The following SLCO1B1 variants were observed in gnomAD, a reference collection of about 807,000 sequenced individuals.
SLCO1B1 encodes OATP-2.
A neutral mutation model predicts 70.1 loss-of-function variants in SLCO1B1; 81 were observed. That is an observed-to-expected ratio of 1.16 (90% CI 0.97 to 1.39). The LOEUF is 1.39. SLCO1B1 is among the 40% of genes most tolerant of loss of function. The pLI, the probability that SLCO1B1 is intolerant of heterozygous loss-of-function variation, is 0.00. For missense variants in SLCO1B1, 895 were observed against 799.6 expected (o/e 1.12, Z -1.44); for synonymous variants, 283 against 271.5 (o/e 1.04, Z -0.42).
In SLCO1B1 at chr12:21,134,526, A is replaced by G. The variant is rs905951551; in HGVS notation, c.-62+3290A>G. Among the ~76,000 whole-genome samples, 14 of 152,228 alleles carry G rather than the reference A, an allele frequency of 9.2e-5. 1 individual carries two copies. Among genetic ancestry groups the G allele is most frequent in the Admixed American group, 8.5e-4 (13 of 15,290 alleles). On this transcript the variant is annotated intron_variant, in intron 1 of 14. Coordinates refer to ENST00000256958, the MANE Select transcript of SLCO1B1 (RefSeq NM_006446.5). ...CAATTTCAGAGCCTGTTATTGGTCT[A>G]TTCAGAGATGCAACTTCTTCCTGGT... is the stretch of plus-strand genomic sequence containing the variant.
intron 2 of SLCO1B1, among the ~76,000 whole-genome samples, chr12:21,164,434 C>A (rs1279739288): frequency 6.6e-6 from 1 of 152,100 alleles, no homozygotes; most frequent in African/African-American, 2.4e-5. Flanking sequence ...TTAAACTTCT[C>A]CTTGTGTGTC....
At chr12:21,181,834 A>G (rs192736592) in intron 7 of SLCO1B1, among the ~76,000 whole-genome samples, 1 of 152,304 alleles carries the variant, frequency 6.6e-6, no homozygotes, top group Non-Finnish European at 1.5e-5. Flanking sequence ...GAAAATTTAT[A>G]GATGAATTGC....
At chr12:21,144,951 CAAAAAT>C (rs1326509979) in intron 2 of SLCO1B1, among the ~76,000 whole-genome samples, 1 of 152,108 alleles carries the variant, frequency 6.6e-6, no homozygotes. Context: ...CCTGTCACCA[CAAAAAT>C]AGACTTAACT....
At chr12:21,149,326 C>T (rs925346379) in intron 2 of SLCO1B1, among the ~76,000 whole-genome samples, 2 of 152,132 alleles carry the variant, frequency 1.3e-5, no homozygotes, top group African/African-American at 4.8e-5. Flanking sequence ...ATGCTTCCAG[C>T]TTTCACCCAT....
intron 7 of SLCO1B1, among the ~76,000 whole-genome samples, chr12:21,195,756 T>C (rs936632975): frequency 4.6e-5 from 7 of 152,190 alleles, no homozygotes; most frequent in Non-Finnish European, 7.3e-5. Flanking sequence ...AATGCTTACA[T>C]ACTAGTTCAA....
chr12:21,186,570 G>A (rs1019626326), intron 7 of SLCO1B1, among the ~76,000 whole-genome samples: 2 of 151,892 alleles, frequency 1.3e-5, no homozygotes, highest in African/African-American at 4.8e-5. Context: ...GACATTACAA[G>A]AAAAAGTTGT....
rs1388734996 is a variant in SLCO1B1 at position 21,205,979 on chromosome 12, C to T, written c.1443C>T (p.Tyr481=). The change falls in exon 11 of 15, where the codon TAC becomes TAT. Residue 481 remains tyrosine (Y), a synonymous_variant. Transcript: ENST00000256958. ...EPVCGNNGIT[Y]ISPCLAGCKS... ...TCTGTGGAAACAATGGAATAACTTA[C>T]ATCTCACCCTGTCTAGCAGGTTGCA... 2 of 1,612,136 alleles carry T rather than the reference C, an allele frequency of 1.2e-6. No homozygotes were observed. The highest frequency in any genetic ancestry group is 1.6e-4 in the Middle Eastern group (1 of 6,072).
chr12:21,135,720 A>T (rs1019729078), intron 1 of SLCO1B1, among the ~76,000 whole-genome samples: 11 of 151,964 alleles, frequency 7.2e-5, no homozygotes, highest in Non-Finnish European at 1.2e-4. Context: ...TTTTGAGCCT[A>T]TGTGTGTCTC....
chr12:21,184,265 C>T (rs923139306), intron 7 of SLCO1B1, among the ~76,000 whole-genome samples: 1 of 152,126 alleles, frequency 6.6e-6, no homozygotes, highest in African/African-American at 2.4e-5. Context: ...CTTTGAGATG[C>T]TATAAAGATG....
chr12:21,220,295 A>G (rs187948693), intron 12 of SLCO1B1, among the ~76,000 whole-genome samples: 49 of 152,306 alleles, frequency 3.2e-4, no homozygotes, highest in African/African-American at 1.0e-3. Context: ...GCAATGTCAT[A>G]TATGCAATCC....
chr12:21,196,854 AAATGTAGTTTACTTTCTT>A, intron 7 of SLCO1B1, 74 bp from the exon 8 acceptor site: 1 of 1,299,470 alleles, frequency 7.7e-7, no homozygotes, highest in Non-Finnish European at 1.1e-6. Flanking sequence ...GGAATTGAGG[AAATGTAGTTTACTTTCTT>A]CATACCATTA....
At chr12:21,207,415 T>C (rs1403239126) in intron 11 of SLCO1B1, among the ~76,000 whole-genome samples, 1 of 152,038 alleles carries the variant, frequency 6.6e-6, no homozygotes, top group East Asian at 1.9e-4. Context: ...CCTATGTTAA[T>C]TCACTTAAGA....
chr12:21,186,635 A>G (rs1940965115), intron 7 of SLCO1B1, among the ~76,000 whole-genome samples: 1 of 152,100 alleles, frequency 6.6e-6, no homozygotes, highest in South Asian at 2.1e-4. Flanking sequence ...GTTTCAATAC[A>G]AATGAATCCA....
intron 7 of SLCO1B1, among the ~76,000 whole-genome samples, chr12:21,194,922 ATG>A (rs1941073654): frequency 6.6e-6 from 1 of 152,158 alleles, no homozygotes; most frequent in African/African-American, 2.4e-5. Flanking sequence ...GGCACATCAC[ATG>A]TTGAGAGAAA....
intron 2 of SLCO1B1, among the ~76,000 whole-genome samples, chr12:21,154,194 A>G (rs1940510472): frequency 6.6e-6 from 1 of 152,014 alleles, no homozygotes; most frequent in African/African-American, 2.4e-5. Context: ...TATGATCTGA[A>G]TGTTTGTTTC....
chr12:21,239,319 A>T lies in SLCO1B1; in HGVS notation c.*130A>T. 4.0e-6 allele frequency: 3 copies of T among 758,040 alleles called. 1 individual carries two copies. In the South Asian group the frequency reaches 4.3e-5, roughly 11 times the overall value. The allele number at this position is 758,040 out of a possible 1,614,324, so 47.0% of individuals were successfully genotyped here. On this transcript the variant is annotated 3_prime_UTR_variant, in exon 15 of 15. Transcript: ENST00000256958. ...CCACATCTTTTATGGTGGAAGTATA[A>T]ATAAGCCTATGAACTTATAATAAAA...
chr12:21,168,926 G>A (rs1940724820), intron 2 of SLCO1B1, among the ~76,000 whole-genome samples: 1 of 152,126 alleles, frequency 6.6e-6, no homozygotes, highest in Admixed American at 6.5e-5. Context: ...TGTGCTTTTT[G>A]TATCACATTT....
chr12:21,205,551 T>C (rs891942862), intron 10 of SLCO1B1, among the ~76,000 whole-genome samples: 1 of 151,652 alleles, frequency 6.6e-6, no homozygotes, highest in African/African-American at 2.4e-5. Flanking sequence ...ACTTATCTAA[T>C]GTGAAGTTTC....
chr12:21,160,123 A>AAC (rs1940595990), intron 2 of SLCO1B1, among the ~76,000 whole-genome samples: 1 of 151,672 alleles, frequency 6.6e-6, no homozygotes. Context: ...AAAAAAAAAA[A>AAC]AAACTATTTT....
Sources: allele counts gnomAD v4.1 joint callset (sites outside exome capture counted in the v4.1 genomes callset), GRCh38; gene constraint gnomAD v4.1.1; transcripts MANE v1.5; gene names NCBI Gene and HGNC (gene_info 2026-07-23, HGNC 2026-07-21).